Variants in COL28A1 observed in about 807,000 individuals in gnomAD.
COL28A1 encodes the protein collagen type XXVIII alpha 1 chain, also known as collagen alpha-1(XXVIII) chain.
A neutral mutation model predicts 150.2 loss-of-function variants in COL28A1; 161 were observed. The ratio of observed to expected loss-of-function variants is 1.07; its 90% CI spans 0.94 to 1.22. COL28A1 has a LOEUF of 1.22. Ranked by LOEUF, COL28A1 falls within the 50% of genes most tolerant of loss-of-function variation. COL28A1 has a pLI of 0.00. For synonymous variants in COL28A1, 552 were observed against 469.7 expected, an observed-to-expected ratio of 1.18 and a Z score of -2.26; for missense variants, 1,617 against 1,388.3, an observed-to-expected ratio of 1.16 and a Z score of -2.62.
At chr7:7,487,781 C>G (rs1779708378) in intron 13 of COL28A1, among the ~76,000 whole-genome samples, 1 of 152,128 alleles carries the variant, frequency 6.6e-6, no homozygotes, top group African/African-American at 2.4e-5. Context: ...TGAGCTGGTC[C>G]TATACTTACT....
chr7:7,507,059 T>C (rs576056846), intron 10 of COL28A1, 58 bp downstream of exon 10: 1 of 848,268 alleles, frequency 1.2e-6, no homozygotes. Context: ...AAGGGGATGG[T>C]TTAAAAACTC....
intron 23 of COL28A1, among the ~76,000 whole-genome samples, chr7:7,436,022 T>C (rs1785314887): frequency 1.3e-5 from 2 of 152,210 alleles, no homozygotes; most frequent in Non-Finnish European, 2.9e-5. Context: ...AGCAGGAAAT[T>C]TTTATTCAGC....
chr7:7,525,358 C>T (rs1002142357), intron 3 of COL28A1, among the ~76,000 whole-genome samples: 31 of 152,192 alleles, frequency 2.0e-4, no homozygotes, highest in African/African-American at 7.2e-4. Context: ...ACCTAGGCCT[C>T]ACTACCATAC....
intron 27 of COL28A1, among the ~76,000 whole-genome samples, chr7:7,403,761 C>T (rs1022914920): frequency 6.6e-6 from 1 of 152,170 alleles, no homozygotes; most frequent in Non-Finnish European, 1.5e-5. Context: ...GCTACATATG[C>T]TACAGTCCAG....
downstream of COL28A1, among the ~76,000 whole-genome samples, chr7:7,354,054 T>C (rs1780293289): frequency 6.6e-6 from 1 of 151,874 alleles, no homozygotes; most frequent in Non-Finnish European, 1.5e-5. Flanking sequence ...GATGGGGTCT[T>C]GGTGTCACTC....
intron 14 of COL28A1, among the ~76,000 whole-genome samples, chr7:7,475,065 GT>G: frequency 6.6e-6 from 1 of 151,856 alleles, no homozygotes; most frequent in Non-Finnish European, 1.5e-5. Flanking sequence ...TTTATTTCTC[GT>G]ACTAATATGT....
At chr7:7,381,713 T>TATTA in intron 27 of COL28A1, 101 bp from the exon 28 acceptor site, 1 of 743,638 alleles carries the variant, frequency 1.3e-6, no homozygotes, top group South Asian at 1.6e-5. Flanking sequence ...TGCATTATAG[T>TATTA]ATTATCTAAA....
At chr7:7,443,719 C>T in intron 19 of COL28A1, 66 bp from the exon 20 acceptor site, 1 of 1,592,778 alleles carries the variant, frequency 6.3e-7, no homozygotes, top group Non-Finnish European at 8.6e-7. Context: ...ATCATCCCAC[C>T]TTGTCTCCTT....
rs139651703 is a variant in COL28A1 at position 7,441,304 on chromosome 7, A to T, written c.1651-443T>A. 6.7e-4 allele frequency among the ~76,000 whole-genome samples: 102 copies of T among 152,186 alleles called. 1 individual carries two copies. The highest frequency in any genetic ancestry group is 2.3e-3 in the African/African-American group (94 of 41,538). Reference sequence around the variant, plus strand: ...CAGCCCTATTTCGTCCTCACTGGGGAGTCTAATTCTTTCCCCCAAAAGAGA... The same window carrying T: ...CAGCCCTATTTCGTCCTCACTGGGGTGTCTAATTCTTTCCCCCAAAAGAGA... On this transcript the variant is annotated intron_variant, in intron 20 of 34. Coordinates refer to ENST00000399429, the MANE Select transcript of COL28A1 (RefSeq NM_001037763.3).
At position 7,488,746 on chromosome 7, in the gene COL28A1, T is replaced by C. The variant is rs141569820; in HGVS notation, c.1164+643A>G. On this transcript the variant is annotated intron_variant, in intron 13 of 34. Coordinates refer to ENST00000399429, the MANE Select transcript of COL28A1 (RefSeq NM_001037763.3). ...TGAGCCAAGTCCTTATTCTCAGTGA[T>C]TTTTCTCATGGTTACAAAGAAATCC... Among the ~76,000 whole-genome samples, 708 of 152,232 alleles carry C rather than the reference T, an allele frequency of 4.7e-3. 5 individuals carry two copies. Among genetic ancestry groups the C allele is most frequent in the East Asian group, 0.022 (115 of 5,180 alleles).
intron 25 of COL28A1, among the ~76,000 whole-genome samples, chr7:7,422,701 C>T (rs1165055211): frequency 1.3e-5 from 2 of 151,608 alleles, no homozygotes; most frequent in Non-Finnish European, 2.9e-5. Flanking sequence ...TTAGAGAATA[C>T]ACCACCCTAC....
chr7:7,418,503 T>C (rs756362007), intron 26 of COL28A1, among the ~76,000 whole-genome samples: 1 of 152,338 alleles, frequency 6.6e-6, no homozygotes, highest in East Asian at 1.9e-4. Context: ...GAAAATAGCA[T>C]GCGCTTTCCC....
intron 16 of COL28A1, among the ~76,000 whole-genome samples, chr7:7,454,280 A>T (rs1162362325): frequency 1.3e-5 from 2 of 152,206 alleles, no homozygotes; most frequent in African/African-American, 4.8e-5. Context: ...TATGAGAGAA[A>T]TAGGAAGATC....
In COL28A1 at chr7:7,497,102, G is replaced by GAAGGAAGA. The variant is rs1554286689; in HGVS notation, c.1027-6457_1027-6456insTCTTCCTT. On this transcript the variant is annotated intron_variant, in intron 11 of 34. Coordinates refer to ENST00000399429, the MANE Select transcript of COL28A1 (RefSeq NM_001037763.3). ...GGAAGAAAGGAAGGAAGAAAGGAAG[G>GAAGGAAGA]AAGGAAGGAAGGAAGGAAGGAAGGA... Among the ~76,000 whole-genome samples, 839 of 142,712 alleles carry GAAGGAAGA rather than the reference G, an allele frequency of 5.9e-3. 6 individuals are homozygous for GAAGGAAGA. Among genetic ancestry groups the GAAGGAAGA allele is most frequent in the Middle Eastern group, 0.028 (8 of 284 alleles). 93.6% of individuals were successfully genotyped at this position (142,712 alleles called of 152,430 possible). A position where few individuals can be genotyped will look rare whatever the true frequency, so the allele number is the denominator to read the frequency against.
Position 7,381,587 on chromosome 7 carries a change from G to C in COL28A1, c.2162C>G (p.Pro721Arg). 6.2e-7 allele frequency: 1 copy of C among 1,613,790 alleles called. No individual in the cohort carries two copies. The highest frequency in any genetic ancestry group is 1.7e-4 in the Middle Eastern group (1 of 6,060). The change falls in exon 28 of 35, where the codon CCA becomes CGA. Residue 721 changes from proline (P) to arginine (R), a missense_variant. Coordinates refer to ENST00000399429, the MANE Select transcript of COL28A1 (RefSeq NM_001037763.3). ...ATGGCCCATTGTGCCCTTTGGGCCT[G>C]GGAAGCCTTGTGGTCCTTGTTCCCC... ...IKGEQGPQGF[P>R]GPKGTMGHGL...
intron 18 of COL28A1, among the ~76,000 whole-genome samples, chr7:7,451,625 T>C (rs1786698797): frequency 6.6e-6 from 1 of 152,192 alleles, no homozygotes. Flanking sequence ...TACTATATCG[T>C]ATATTGCCTC....
At chr7:7,527,699 A>T (rs1782107582) in intron 3 of COL28A1, among the ~76,000 whole-genome samples, 1 of 152,184 alleles carries the variant, frequency 6.6e-6, no homozygotes, top group African/African-American at 2.4e-5. Context: ...GCAAAAGAAG[A>T]TGCAGTCAGA....
intron 3 of COL28A1, among the ~76,000 whole-genome samples, chr7:7,525,074 T>C (rs1781946869): frequency 6.6e-6 from 1 of 152,192 alleles, no homozygotes; most frequent in Non-Finnish European, 1.5e-5. Context: ...AGAAAAGTAA[T>C]ACATATTTCA....
chr7:7,526,910 C>A (rs1782054864), intron 3 of COL28A1, among the ~76,000 whole-genome samples: 1 of 152,192 alleles, frequency 6.6e-6, no homozygotes, highest in African/African-American at 2.4e-5. Context: ...GCTGGGATTA[C>A]AGGTGTGAGC....
Sources: allele counts gnomAD v4.1 joint callset (sites outside exome capture counted in the v4.1 genomes callset), GRCh38; gene constraint gnomAD v4.1.1; transcripts MANE v1.5; gene names NCBI Gene and HGNC (gene_info 2026-07-23, HGNC 2026-07-21).